RAB3GAP2: variants seen among roughly 807,000 people sequenced by gnomAD.
The protein encoded by RAB3GAP2 is RAB3 GTPase activating non-catalytic protein subunit 2, also known as rab3 GTPase-activating protein non-catalytic subunit.
A neutral mutation model predicts 185.3 loss-of-function variants in RAB3GAP2; 87 were observed. The observed-to-expected ratio is 0.47, with a 90% CI of 0.39 to 0.56. The LOEUF (loss-of-function observed/expected upper bound fraction) is 0.56, where lower values mean the gene tolerates loss of function less well. RAB3GAP2 is among the 20% of genes least tolerant of loss of function. RAB3GAP2 has a pLI of 0.00. For missense variants in RAB3GAP2, 1,492 were observed against 1,638.2 expected (o/e 0.91, Z 1.54); for synonymous variants, 554 against 576.1 (o/e 0.96, Z 0.55).
chr1:220,196,399 CT>C lies in RAB3GAP2; in HGVS notation c.812-2del. The C allele has an allele frequency of 6.3e-7, 1 of 1,579,778 alleles. No individual in the cohort carries two copies. Among genetic ancestry groups the C allele is most frequent in the Admixed American group, 1.8e-5 (1 of 56,990 alleles). On this transcript the variant is annotated splice_acceptor_variant, in intron 9 of 34. Transcript: ENST00000358951. LOFTEE classifies it high-confidence loss of function. ...TCAAAGGGGGACAGAGTCATAATAC[CT>C]AATAAAAAAAAAAAAGTGATTTGAA...
chr1:220,182,680 G>T (rs751402614), intron 20 of RAB3GAP2, 38 bp downstream of exon 20: 1 of 1,426,046 alleles, frequency 7.0e-7, no homozygotes, highest in South Asian at 1.4e-5. Context: ...TCTTCTAAAA[G>T]AAGAGGCATA....
chr1:220,171,737 T>C, intron 23 of RAB3GAP2, 152 bp downstream of exon 23: 1 of 807,166 alleles, frequency 1.2e-6, no homozygotes, highest in Non-Finnish European at 2.0e-6. Flanking sequence ...AATTCAAGTA[T>C]CCACGGCATC....
chr1:220,152,719 AT>A (rs1171411920), intron 33 of RAB3GAP2, among the ~76,000 whole-genome samples: 2 of 152,152 alleles, frequency 1.3e-5, no homozygotes, highest in African/African-American at 4.8e-5. Flanking sequence ...CAATTTAAAA[AT>A]AAATATTTTT....
At chr1:220,255,038 C>T (rs1660009830) in intron 1 of RAB3GAP2, among the ~76,000 whole-genome samples, 1 of 151,108 alleles carries the variant, frequency 6.6e-6, no homozygotes. Context: ...TTTATCTTGG[C>T]TCAAATTGTT....
chr1:220,188,968 G>C (rs868410797), intron 17 of RAB3GAP2, among the ~76,000 whole-genome samples: 1 of 152,056 alleles, frequency 6.6e-6, no homozygotes, highest in Middle Eastern at 3.2e-3. Flanking sequence ...TATAAAGTTT[G>C]AAAAGGCAGG....
chr1:220,269,594 T>G (rs934941576), intron 1 of RAB3GAP2, among the ~76,000 whole-genome samples: 2 of 152,114 alleles, frequency 1.3e-5, no homozygotes, highest in African/African-American at 4.8e-5. Flanking sequence ...TGGTGGCGCA[T>G]GCCTGTAGTC....
chr1:220,269,218 A>T lies in RAB3GAP2; in HGVS notation c.115+3005T>A, dbSNP rs1451294245. Among the ~76,000 whole-genome samples, 3 of 152,244 alleles carry T rather than the reference A, an allele frequency of 2.0e-5. No homozygotes were observed. In the South Asian group the frequency reaches 6.2e-4, roughly 31 times the overall value. On this transcript the variant is annotated intron_variant, in intron 1 of 34. Transcript: ENST00000358951. ...TGCAAAGATCTGCAAAAAGCATCCAAGGCATAGACAACAGTGAGGGCAAAA... is the reference window on the plus strand; with the variant it reads ...TGCAAAGATCTGCAAAAAGCATCCATGGCATAGACAACAGTGAGGGCAAAA...
intron 1 of RAB3GAP2, among the ~76,000 whole-genome samples, chr1:220,251,146 T>C (rs1278201685): frequency 6.6e-6 from 1 of 152,212 alleles, no homozygotes; most frequent in African/African-American, 2.4e-5. Context: ...AGGAAGTTGA[T>C]GAATTAGTTA....
At chr1:220,263,778 C>A (rs997122904) in intron 1 of RAB3GAP2, among the ~76,000 whole-genome samples, 2 of 151,870 alleles carry the variant, frequency 1.3e-5, no homozygotes, top group Non-Finnish European at 2.9e-5. Flanking sequence ...GGGTCCATAT[C>A]TCATTTTTCT....
intron 1 of RAB3GAP2, among the ~76,000 whole-genome samples, chr1:220,270,604 G>T (rs1452008533): frequency 6.6e-6 from 1 of 152,202 alleles, no homozygotes; most frequent in African/African-American, 2.4e-5. Context: ...AGGTCCTGCA[G>T]ATTCTAACTC....
intron 1 of RAB3GAP2, chr1:220,253,923 T>C (rs1659985519): frequency 1.2e-6 from 2 of 1,613,350 alleles, no homozygotes; most frequent in Non-Finnish European, 1.7e-6. Flanking sequence ...AGAAAACACC[T>C]GGAAATGGAG....
chr1:220,207,443 T>C (rs1658989426), intron 7 of RAB3GAP2, among the ~76,000 whole-genome samples: 1 of 152,268 alleles, frequency 6.6e-6, no homozygotes, highest in South Asian at 2.1e-4. Flanking sequence ...CTCAAAATTT[T>C]CTTATATGCT....
At chr1:220,191,817 A>T (rs1218995721) in intron 13 of RAB3GAP2, among the ~76,000 whole-genome samples, 3 of 145,450 alleles carry the variant, frequency 2.1e-5, no homozygotes, top group Non-Finnish European at 4.5e-5. Context: ...AAACTCTCTA[A>T]AAAAAAAAAA....
chr1:220,240,146 G>A (rs1659664246), intron 1 of RAB3GAP2, among the ~76,000 whole-genome samples: 1 of 152,150 alleles, frequency 6.6e-6, no homozygotes, highest in Non-Finnish European at 1.5e-5. Context: ...TAGATGATGA[G>A]AATGCTTCTC....
Position 220,157,452 on chromosome 1 carries a change from G to T in RAB3GAP2, c.3373C>A (p.Leu1125Met). 6.2e-7 allele frequency: 1 copy of T among 1,613,770 alleles called. No homozygotes were observed. Among genetic ancestry groups the T allele is most frequent in the Non-Finnish European group, 8.5e-7 (1 of 1,180,006 alleles). The stretch of plus-strand genomic sequence containing the variant: ...GAGAGCCACGCATCCTCAGTATCCA[G>T]CACAGGCACCTGTATTTCATCCCTG... ...VSRDEIQVPV[L>M]DTEDAWLSVE... The change falls in exon 31 of 35, where the codon CTG (leucine) becomes ATG (methionine). Residue 1125 changes from leucine to methionine, a missense_variant. This residue lies in a region of RAB3GAP2 where 387 missense variants were observed against 455.3 expected (regional missense o/e 0.85). Transcript: ENST00000358951.
At chr1:220,250,201 G>T (rs926381324) in intron 1 of RAB3GAP2, among the ~76,000 whole-genome samples, 12 of 152,198 alleles carry the variant, frequency 7.9e-5, no homozygotes, top group African/African-American at 2.9e-4. Flanking sequence ...CACAGGGGGG[G>T]AGCTGCTCAA....
At chr1:220,159,766 C>T in intron 28 of RAB3GAP2, among the ~76,000 whole-genome samples, 1 of 151,700 alleles carries the variant, frequency 6.6e-6, no homozygotes, top group Non-Finnish European at 1.5e-5. Flanking sequence ...GCCTGTAATC[C>T]TAGCACTCGG....
At chr1:220,240,339 T>C (rs980859859) in intron 1 of RAB3GAP2, among the ~76,000 whole-genome samples, 1 of 152,220 alleles carries the variant, frequency 6.6e-6, no homozygotes, top group African/African-American at 2.4e-5. Flanking sequence ...TTTGATAAAA[T>C]AGCATTTCTG....
intron 27 of RAB3GAP2, among the ~76,000 whole-genome samples, chr1:220,164,510 C>T (rs1036391977): frequency 7.9e-6 from 1 of 126,332 alleles, no homozygotes; most frequent in Non-Finnish European, 1.6e-5. Context: ...GGGTCTCACT[C>T]TGTCACCCAG....
Sources: allele counts gnomAD v4.1 joint callset (sites outside exome capture counted in the v4.1 genomes callset), GRCh38; gene constraint gnomAD v4.1.1; regional missense constraint gnomAD v4.1.1; transcripts MANE v1.5; gene names NCBI Gene and HGNC (gene_info 2026-07-23, HGNC 2026-07-21).